The following CHN2 variants were observed in gnomAD, a reference collection of about 807,000 sequenced individuals.
CHN2 encodes beta-chimaerin.
A neutral mutation model predicts 56.3 loss-of-function variants in CHN2; 35 were observed. The observed-to-expected ratio is 0.62, with a 90% CI of 0.47 to 0.82. The LOEUF (loss-of-function observed/expected upper bound fraction) is 0.82. Among genes scored for constraint, CHN2 ranks in the 40% least tolerant of loss-of-function variants. CHN2 has a pLI of 0.00. For missense variants in CHN2, 491 were observed against 580.5 expected, an observed-to-expected ratio of 0.85 and a Z score of 1.58; for synonymous variants, 210 against 212.8, an observed-to-expected ratio of 0.99 and a Z score of 0.12.
At position 29,194,892 on chromosome 7, in the gene CHN2, C is replaced by T. The variant is rs2128760849; in HGVS notation, c.-50C>T. Reference sequence around the variant, plus strand: ...AGCGGCCGGGCGAGGGCAGCGGCGGCGGCGTCCGCACCGGGGCTGAGCGAG... The same window carrying T: ...AGCGGCCGGGCGAGGGCAGCGGCGGTGGCGTCCGCACCGGGGCTGAGCGAG... On this transcript the variant is annotated 5_prime_UTR_variant, in exon 1 of 13. Coordinates refer to ENST00000222792, the MANE Select transcript of CHN2 (RefSeq NM_004067.4). 1 of 1,417,582 alleles carries T rather than the reference C, an allele frequency of 7.1e-7. No homozygotes were observed. The allele number at this position is 1,417,582 out of a possible 1,614,324, so 87.8% of individuals were successfully genotyped here.
chr7:29,401,538 G>A (rs1802207727), intron 6 of CHN2, among the ~76,000 whole-genome samples: 1 of 152,168 alleles, frequency 6.6e-6, no homozygotes, highest in African/African-American at 2.4e-5. Flanking sequence ...GCTTCTCTTA[G>A]GACTGGGTGA....
intron 2 of CHN2, among the ~76,000 whole-genome samples, chr7:29,360,127 A>G (rs1004700719): frequency 6.6e-6 from 1 of 152,346 alleles, no homozygotes; most frequent in East Asian, 1.9e-4. Flanking sequence ...TTTCTCTTAT[A>G]CATACTTACG....
chr7:29,239,355 T>C (rs1352705728), intron 1 of CHN2, among the ~76,000 whole-genome samples: 2 of 152,144 alleles, frequency 1.3e-5, no homozygotes, highest in East Asian at 1.9e-4. Context: ...ATGGAAAAGA[T>C]GTTAGGAGAA....
At chr7:29,300,897 CAT>C (rs1444248095) in intron 1 of CHN2, among the ~76,000 whole-genome samples, 1 of 152,166 alleles carries the variant, frequency 6.6e-6, no homozygotes, top group Non-Finnish European at 1.5e-5. Flanking sequence ...CTTAGAGCTA[CAT>C]GTTACCATGT....
rs1297804225 is a variant in CHN2 at position 29,471,652 on chromosome 7, G to A, written c.577-8627G>A. Among the ~76,000 whole-genome samples the A allele has an allele frequency of 3.9e-5, 6 of 152,124 alleles. No homozygotes were observed. In the East Asian group the frequency reaches 5.8e-4, roughly 15 times the overall value. ...CTGTGTGTCTCTCACATCGAGAGTC[G>A]CCATCTGTCCCTGGAGAATAATCGG... On this transcript the variant is annotated intron_variant, in intron 6 of 12. Coordinates refer to ENST00000222792, the MANE Select transcript of CHN2 (RefSeq NM_004067.4).
chr7:29,302,599 A>G (rs1793781893), intron 1 of CHN2, among the ~76,000 whole-genome samples: 1 of 143,306 alleles, frequency 7.0e-6, no homozygotes, highest in Non-Finnish European at 1.5e-5. Flanking sequence ...AAGTGCTGGG[A>G]TTACAGATGT....
chr7:29,258,481 C>A (rs1051401841), intron 1 of CHN2, among the ~76,000 whole-genome samples: 2 of 152,192 alleles, frequency 1.3e-5, no homozygotes, highest in African/African-American at 4.8e-5. Flanking sequence ...CTCGCCTCAT[C>A]TTCTGTTTTC....
At chr7:29,481,220 AGT>A (rs1009620971) in intron 7 of CHN2, among the ~76,000 whole-genome samples, 1 of 152,162 alleles carries the variant, frequency 6.6e-6, no homozygotes, top group Non-Finnish European at 1.5e-5. Flanking sequence ...AGTTGGGGAG[AGT>A]GGAGATGGAG....
intron 1 of CHN2, among the ~76,000 whole-genome samples, chr7:29,238,015 CTTTTT>C (rs11405147): frequency 1.9e-5 from 2 of 106,004 alleles, no homozygotes; most frequent in East Asian, 2.8e-4. Flanking sequence ...TATGTATTCT[CTTTTT>C]TTTTTTTTTT....
At chr7:29,472,281 A>ACACACACACACACACACGCACACACG (rs1786142464) in intron 6 of CHN2, among the ~76,000 whole-genome samples, 1 of 143,502 alleles carries the variant, frequency 7.0e-6, no homozygotes, top group Non-Finnish European at 1.5e-5. Context: ...ATACACACAC[A>ACACACACACACACACACGCACACACG]CACACACACA....
At chr7:29,399,388 C>G (rs925410375) in intron 5 of CHN2, among the ~76,000 whole-genome samples, 1 of 152,168 alleles carries the variant, frequency 6.6e-6, no homozygotes, top group Non-Finnish European at 1.5e-5. Flanking sequence ...GTCGTGAGGG[C>G]AGTCATGACC....
At chr7:29,378,029 A>G (rs1800209506) in intron 3 of CHN2, among the ~76,000 whole-genome samples, 1 of 152,230 alleles carries the variant, frequency 6.6e-6, no homozygotes, top group Non-Finnish European at 1.5e-5. Flanking sequence ...TATTTCTACC[A>G]AGTCTGTAAT....
intron 2 of CHN2, among the ~76,000 whole-genome samples, chr7:29,358,928 A>G (rs2128028082): frequency 6.6e-6 from 1 of 152,222 alleles, no homozygotes; most frequent in South Asian, 2.1e-4. Context: ...TCCAGTGTAT[A>G]TTTCTTCTTT....
At chr7:29,397,560 A>C (rs551752350) in intron 4 of CHN2, 1 of 152,238 alleles carries the variant, frequency 6.6e-6, no homozygotes, top group South Asian at 2.1e-4. Flanking sequence ...TGGTTGATCA[A>C]ATCTCCAGTC....
At chr7:29,398,346 A>G in intron 4 of CHN2, 27 bp from the exon 5 acceptor site, 3 of 1,519,562 alleles carry the variant, frequency 2.0e-6, no homozygotes, top group Non-Finnish European at 2.7e-6. Flanking sequence ...TGGTCTGTTC[A>G]GAGCATTGAT....
chr7:29,308,832 CACCTTATTTAGT>C (rs1794365857), intron 1 of CHN2, among the ~76,000 whole-genome samples: 1 of 152,186 alleles, frequency 6.6e-6, no homozygotes, highest in Non-Finnish European at 1.5e-5. Flanking sequence ...TCTATGAAAA[CACCTTATTTAGT>C]TCCTCCATTG....
chr7:29,354,844 C>T (rs1320180930), intron 2 of CHN2, among the ~76,000 whole-genome samples, 181 bp downstream of exon 2: 2 of 152,078 alleles, frequency 1.3e-5, no homozygotes, highest in African/African-American at 4.8e-5. Context: ...CCTCCTCTTA[C>T]CAAGGCCTCC....
At chr7:29,407,083 A>G (rs116169104) in intron 6 of CHN2, among the ~76,000 whole-genome samples, 196 of 152,308 alleles carry the variant, frequency 1.3e-3, no homozygotes, top group African/African-American at 4.5e-3. Context: ...AGATCTGGCC[A>G]CCAACTCCTT....
At chr7:29,185,278 T>C (rs1012955728) in intron 2 of CHN2, among the ~76,000 whole-genome samples, 1 of 152,222 alleles carries the variant, frequency 6.6e-6, no homozygotes, top group African/African-American at 2.4e-5. Context: ...TAAGTGCCTA[T>C]TGTTTATGCT....
Sources: gnomAD v4.1 joint callset for allele counts (sites outside exome capture counted in the v4.1 genomes callset) on GRCh38, gnomAD v4.1.1 for gene constraint, MANE v1.5 for transcripts, NCBI Gene and HGNC (gene_info 2026-07-23, HGNC 2026-07-21) for gene names.